DPYD: variants seen among roughly 807,000 people sequenced by gnomAD.
DPYD encodes the protein dihydropyrimidine dehydrogenase, also known as dihydropyrimidine dehydrogenase [NADP(+)].
A neutral mutation model predicts 116.2 loss-of-function variants in DPYD; 109 were observed. The ratio of observed to expected loss-of-function variants is 0.94; its 90% CI spans 0.80 to 1.10. The LOEUF (loss-of-function observed/expected upper bound fraction) is 1.10, where lower values mean the gene tolerates loss of function less well. DPYD is among the 50% of genes least tolerant of loss of function. The pLI, the probability that DPYD is intolerant of heterozygous loss-of-function variation, is 0.00. For missense variants in DPYD, 1,302 were observed against 1,254.5 expected, an observed-to-expected ratio of 1.04 and a Z score of -0.57; for synonymous variants, 440 against 432.0, an observed-to-expected ratio of 1.02 and a Z score of -0.23.
chr1:97,563,516 ACTT>A (rs1400466137), intron 11 of DPYD, among the ~76,000 whole-genome samples: 5 of 152,106 alleles, frequency 3.3e-5, no homozygotes, highest in African/African-American at 1.2e-4. Flanking sequence ...CCACTGCTCT[ACTT>A]CTTGTATGTA....
intron 20 of DPYD, among the ~76,000 whole-genome samples, chr1:97,141,177 A>T (rs1215871395): frequency 6.6e-6 from 1 of 152,166 alleles, no homozygotes; most frequent in African/African-American, 2.4e-5. Flanking sequence ...TCCCTGGCAT[A>T]TAATGGAAGC....
At chr1:97,503,208 T>C (rs1292888625) in intron 13 of DPYD, among the ~76,000 whole-genome samples, 2 of 152,042 alleles carry the variant, frequency 1.3e-5, no homozygotes, top group Non-Finnish European at 2.9e-5. Flanking sequence ...GTCTATACAA[T>C]ATTTCTCTTT....
intron 7 of DPYD, among the ~76,000 whole-genome samples, chr1:97,688,413 T>C (rs1429195804): frequency 6.6e-6 from 1 of 151,988 alleles, no homozygotes; most frequent in Non-Finnish European, 1.5e-5. Context: ...AGCAGAAATT[T>C]TTCTAGAAAT....
At chr1:97,526,305 G>A (rs1344380388) in intron 12 of DPYD, among the ~76,000 whole-genome samples, 1 of 152,018 alleles carries the variant, frequency 6.6e-6, no homozygotes, top group Non-Finnish European at 1.5e-5. Context: ...TCTATGTACA[G>A]CTACTTTATT....
intron 5 of DPYD, among the ~76,000 whole-genome samples, chr1:97,717,615 A>G (rs1156375361): frequency 6.6e-6 from 1 of 151,984 alleles, no homozygotes; most frequent in Non-Finnish European, 1.5e-5. Context: ...CTTCCCCCTA[A>G]GTCCACAAAG....
At chr1:97,198,387 A>G (rs550507021) in intron 19 of DPYD, among the ~76,000 whole-genome samples, 1 of 152,364 alleles carries the variant, frequency 6.6e-6, no homozygotes, top group African/African-American at 2.4e-5. Context: ...TATAATAAGA[A>G]GTCATGTTTG....
chr1:97,539,538 A>G (rs1650271639), intron 12 of DPYD, among the ~76,000 whole-genome samples: 1 of 152,156 alleles, frequency 6.6e-6, no homozygotes, highest in Non-Finnish European at 1.5e-5. Context: ...CAACATGTAC[A>G]TTTAGTTGTT....
rs77349807 is a variant in DPYD at position 97,717,522 on chromosome 1, G to A, written c.483+3988C>T. 2.6e-5 allele frequency among the ~76,000 whole-genome samples: 4 copies of A among 151,878 alleles called. No homozygotes were observed. The East Asian group carries it at 7.7e-4, about 29-fold the overall frequency. ...TAAGTTCTTTAGTAGTGATTTCTGA[G>A]ACTTTGGTGCACCCATCACCCAAGT... On this transcript the variant is annotated intron_variant, in intron 5 of 22. Transcript: ENST00000370192.
chr1:97,899,533 T>C (rs1673257059), intron 1 of DPYD, among the ~76,000 whole-genome samples: 1 of 151,822 alleles, frequency 6.6e-6, no homozygotes, highest in African/African-American at 2.4e-5. Context: ...GTAAATCAAT[T>C]GTGCCTGGAG....
At chr1:97,325,408 A>G (rs1364852919) in intron 16 of DPYD, among the ~76,000 whole-genome samples, 6 of 152,060 alleles carry the variant, frequency 3.9e-5, no homozygotes, top group Admixed American at 1.3e-4. Flanking sequence ...CAGATTTCTT[A>G]CTGCTTTTTC....
intron 20 of DPYD, among the ~76,000 whole-genome samples, chr1:97,162,313 T>C (rs1383775669): frequency 6.6e-6 from 1 of 151,782 alleles, no homozygotes; most frequent in Non-Finnish European, 1.5e-5. Flanking sequence ...TGCATTTCTC[T>C]GATGCATTCT....
chr1:97,291,322 C>G (rs1189309176), intron 18 of DPYD, among the ~76,000 whole-genome samples: 2 of 152,132 alleles, frequency 1.3e-5, no homozygotes, highest in African/African-American at 4.8e-5. Context: ...TTTGACCCAG[C>G]CATCCCATTA....
At chr1:97,244,357 T>G (rs544957683) in intron 18 of DPYD, among the ~76,000 whole-genome samples, 2 of 152,146 alleles carry the variant, frequency 1.3e-5, no homozygotes, top group East Asian at 3.9e-4. Flanking sequence ...CTTTTGATAG[T>G]GCTATGGCAT....
rs1428886061 is a variant in DPYD, at chr1:97,320,580, AAG to A, written c.2059-14285_2059-14284del. ...TACAAACCACTGCTCAAGGAAATAA[AAG>A]AGGACACAAACAAATGGAAGAACAT... is the stretch of plus-strand genomic sequence containing the variant. On this transcript the variant is annotated intron_variant, in intron 16 of 22. Coordinates refer to ENST00000370192, the MANE Select transcript of DPYD (RefSeq NM_000110.4). 9.2e-4 allele frequency among the ~76,000 whole-genome samples: 67 copies of A among 72,588 alleles called. 1 individual carries two copies. The South Asian group carries it at 0.015, about 16-fold the overall frequency. 47.6% of individuals were successfully genotyped at this position (72,588 alleles called of 152,430 possible). A position where few individuals can be genotyped will look rare whatever the true frequency, so the allele number is the denominator to read the frequency against.
intron 14 of DPYD, among the ~76,000 whole-genome samples, chr1:97,393,294 T>TC (rs1230173054): frequency 6.6e-6 from 1 of 151,844 alleles, no homozygotes; most frequent in Admixed American, 6.6e-5. Context: ...CTATTTTCTT[T>TC]TTTTTTTAAA....
intron 18 of DPYD, among the ~76,000 whole-genome samples, chr1:97,279,493 A>G (rs1021643156): frequency 6.6e-6 from 1 of 150,938 alleles, no homozygotes; most frequent in African/African-American, 2.4e-5. Context: ...GGAGACAGAG[A>G]TTTGTTTGTT....
intron 7 of DPYD, among the ~76,000 whole-genome samples, chr1:97,686,258 G>T (rs1185584477): frequency 6.6e-6 from 1 of 152,134 alleles, no homozygotes; most frequent in Non-Finnish European, 1.5e-5. Context: ...AATGGTGCTG[G>T]GAAAGCTGGC....
At chr1:97,082,568 G>T in intron 21 of DPYD, 98 bp from the exon 22 acceptor site, 1 of 1,392,470 alleles carries the variant, frequency 7.2e-7, no homozygotes, top group Non-Finnish European at 1.0e-6. Flanking sequence ...ATACAATGTT[G>T]CATTATATTA....
At chr1:97,631,916 C>A (rs533358226) in intron 8 of DPYD, among the ~76,000 whole-genome samples, 1 of 151,736 alleles carries the variant, frequency 6.6e-6, no homozygotes, top group African/African-American at 2.4e-5. Flanking sequence ...TTTAAAGACC[C>A]CTTTGAAATT....
Sources: gnomAD v4.1 joint callset for allele counts (sites outside exome capture counted in the v4.1 genomes callset) on GRCh38, gnomAD v4.1.1 for gene constraint, MANE v1.5 for transcripts, NCBI Gene and HGNC (gene_info 2026-07-23, HGNC 2026-07-21) for gene names.